Variants in TRAPPC3 observed in about 807,000 individuals in gnomAD.
The protein encoded by TRAPPC3 is trafficking protein particle complex 3.
In TRAPPC3, 5 loss-of-function variants were observed where a neutral mutation model predicts 18.2. The ratio of observed to expected loss-of-function variants is 0.28; its 90% CI spans 0.14 to 0.58. The LOEUF (loss-of-function observed/expected upper bound fraction) is 0.58. Among genes scored for constraint, TRAPPC3 ranks in the 20% least tolerant of loss-of-function variants. TRAPPC3 has a pLI of 0.91. For synonymous variants in TRAPPC3, 65 were observed against 84.2 expected, an observed-to-expected ratio of 0.77 and a Z score of 1.25; for missense variants, 176 against 225.9, an observed-to-expected ratio of 0.78 and a Z score of 1.41.
intron 1 of TRAPPC3, among the ~76,000 whole-genome samples, chr1:36,143,120 G>T (rs978996602): frequency 3.9e-5 from 6 of 152,190 alleles, no homozygotes; most frequent in Admixed American, 2.0e-4. Context: ...AACATTTACT[G>T]TGTGCCAGGC....
At chr1:36,139,693 C>T (rs1247871337) in intron 3 of TRAPPC3, 27 bp downstream of exon 3, 1 of 1,613,412 alleles carries the variant, frequency 6.2e-7, no homozygotes, top group Non-Finnish European at 8.5e-7. Context: ...AATTCTTCAG[C>T]ATGGACAGGT....
At chr1:36,145,966 G>A (rs1644191897) in intron 1 of TRAPPC3, among the ~76,000 whole-genome samples, 1 of 151,352 alleles carries the variant, frequency 6.6e-6, no homozygotes, top group Non-Finnish European at 1.5e-5. Flanking sequence ...TTTTAGTAGA[G>A]ACAGGGTTTC....
rs960891518 is a variant in TRAPPC3 at position 36,137,420 on chromosome 1, A to C, written c.424-98T>G. On this transcript the variant is annotated intron_variant, in intron 4 of 4. Transcript: ENST00000373166. ...TAACTGACTCATCCACAGCATCCAA[A>C]AAAGGGGGGCTGGTTTCCCACAAGG... The C allele has an allele frequency of 1.4e-5, 18 of 1,299,890 alleles. No individual in the cohort carries two copies. In the South Asian group the frequency reaches 2.3e-4, roughly 17 times the overall value. 80.5% of individuals were successfully genotyped at this position (1,299,890 alleles called of 1,614,324 possible).
At chr1:36,154,337 G>A (rs1225783122), upstream of TRAPPC3, among the ~76,000 whole-genome samples, 2 of 152,046 alleles carry the variant, frequency 1.3e-5, no homozygotes, top group East Asian at 3.9e-4. Flanking sequence ...TGGGTATCTC[G>A]CGACTCCCAT....
At chr1:36,146,104 T>C (rs1288173901) in intron 1 of TRAPPC3, among the ~76,000 whole-genome samples, 1 of 151,088 alleles carries the variant, frequency 6.6e-6, no homozygotes, top group Non-Finnish European at 1.5e-5. Flanking sequence ...TATTTTGAGA[T>C]GGAGTGTTGC....
intron 1 of TRAPPC3, among the ~76,000 whole-genome samples, chr1:36,142,209 T>G (rs370094472): frequency 6.6e-6 from 1 of 152,098 alleles, no homozygotes; most frequent in African/African-American, 2.4e-5. Context: ...CCCTTTGAAC[T>G]CAAATAAACA....
chr1:36,149,106 G>T, intron 1 of TRAPPC3: 1 of 1,425,990 alleles, frequency 7.0e-7, no homozygotes, highest in South Asian at 1.5e-5. Context: ...GTTGTTGTTG[G>T]CTTAGCACAG....
upstream of TRAPPC3, among the ~76,000 whole-genome samples, chr1:36,153,154 T>C (rs147903327): frequency 6.2e-3 from 940 of 152,244 alleles, 13 homozygotes; most frequent in African/African-American, 0.02. Context: ...TTCAGCCTCT[T>C]ATGTTAGGGT....
upstream of TRAPPC3, among the ~76,000 whole-genome samples, chr1:36,152,237 G>A (rs1204661348): frequency 6.6e-6 from 1 of 151,546 alleles, no homozygotes; most frequent in African/African-American, 2.4e-5. Flanking sequence ...CTAGGAGGCT[G>A]AAAATATCCT....
chr1:36,149,058 G>A (rs902341929), intron 1 of TRAPPC3: 6 of 1,278,496 alleles, frequency 4.7e-6, no homozygotes, highest in Non-Finnish European at 5.9e-6. Flanking sequence ...CATAGTAAGA[G>A]AGAAGTTAAG....
intron 1 of TRAPPC3, among the ~76,000 whole-genome samples, chr1:36,141,488 A>G (rs1404835229): frequency 6.6e-6 from 1 of 152,208 alleles, no homozygotes; most frequent in Non-Finnish European, 1.5e-5. Context: ...TCCTCACGCC[A>G]TCCCCATGGC....
At chr1:36,149,075 T>G in intron 1 of TRAPPC3, 1 of 1,386,190 alleles carries the variant, frequency 7.2e-7, no homozygotes, top group Non-Finnish European at 9.4e-7. Context: ...TAAGTGGCAG[T>G]TATTGGTATT....
chr1:36,149,164 C>T (rs757060481), intron 1 of TRAPPC3, 173 bp downstream of exon 1: 13 of 1,468,868 alleles, frequency 8.9e-6, no homozygotes, highest in Non-Finnish European at 1.2e-5. Flanking sequence ...GGAACTTCTC[C>T]GACGGTCCCC....
chr1:36,143,516 A>G (rs1644147436), intron 1 of TRAPPC3, among the ~76,000 whole-genome samples: 1 of 152,218 alleles, frequency 6.6e-6, no homozygotes, highest in South Asian at 2.1e-4. Flanking sequence ...CTGGGTTTTC[A>G]GCCCTTGTGA....
chr1:36,139,804 T>C lies in TRAPPC3; in HGVS notation c.156A>G (p.Gly52=). 1.2e-6 allele frequency: 2 copies of C among 1,614,130 alleles called. No individual in the cohort carries two copies. The highest frequency in any genetic ancestry group is 1.7e-6 in the Non-Finnish European group (2 of 1,180,024). ...CCAAGAAATCTTCAATCAGCCGGAC[T>C]CCAATGTTAAAGCCCCTGGGAAGGA... ...KQLDKMGFNI[G]VRLIEDFLAR... The change falls in exon 3 of 5, where the codon GGA becomes GGG. Residue 52 remains glycine, a synonymous_variant. Coordinates refer to ENST00000373166, the MANE Select transcript of TRAPPC3 (RefSeq NM_014408.5).
upstream of TRAPPC3, among the ~76,000 whole-genome samples, chr1:36,150,479 G>T (rs1248136395): frequency 6.6e-6 from 1 of 152,202 alleles, no homozygotes; most frequent in African/African-American, 2.4e-5. Context: ...GGGTCCCTGA[G>T]CACTCTCTGT....
upstream of TRAPPC3, among the ~76,000 whole-genome samples, chr1:36,150,592 G>C (rs1465796585): frequency 6.6e-6 from 1 of 152,208 alleles, no homozygotes; most frequent in Non-Finnish European, 1.5e-5. Flanking sequence ...GCTAGGGAGG[G>C]CTGGGGGGCC....
rs921832579 is a variant in TRAPPC3, at chr1:36,149,480, C to A, written c.-102G>T. On this transcript the variant is annotated 5_prime_UTR_variant, in exon 1 of 5. Transcript: ENST00000373166. ...CTGCCCCTCAGCCCACAAGACCGAC[C>A]GGCACTGACTCACTGCGCCTGCGCG... 8.2e-6 allele frequency: 12 copies of A among 1,466,560 alleles called. No homozygotes were observed. Among genetic ancestry groups the A allele is most frequent in the East Asian group, 2.4e-5 (1 of 41,306 alleles). 90.8% of individuals were successfully genotyped at this position (1,466,560 alleles called of 1,614,324 possible).
chr1:36,138,309 C>A lies in TRAPPC3; in HGVS notation c.241-331G>T, dbSNP rs533162171. ...TCAGTGGAAGGGAGCACTAGTCTTT[C>A]GACACGGTGGCTGCCTGAGTGCAGA... On this transcript the variant is annotated intron_variant, in intron 3 of 4. Transcript: ENST00000373166. 18 of 1,510,886 alleles carry A rather than the reference C, an allele frequency of 1.2e-5. No individual in the cohort carries two copies. The African/African-American group carries it at 2.3e-4, about 20-fold the overall frequency. 93.6% of individuals were successfully genotyped at this position (1,510,886 alleles called of 1,614,324 possible).
Sources: allele counts gnomAD v4.1 joint callset (sites outside exome capture counted in the v4.1 genomes callset), GRCh38; gene constraint gnomAD v4.1.1; transcripts MANE v1.5; gene names NCBI Gene and HGNC (gene_info 2026-07-23, HGNC 2026-07-21).